Variants in CMAS observed in about 807,000 individuals in gnomAD.
The protein encoded by CMAS is cytidine monophosphate N-acetylneuraminic acid synthetase.
CMAS carries 21 observed loss-of-function variants against 53.4 expected under a neutral mutation model. That is an observed-to-expected ratio of 0.39 (90% CI 0.28 to 0.57). The LOEUF (loss-of-function observed/expected upper bound fraction) is 0.57, where lower values mean the gene tolerates loss of function less well. Ranked by LOEUF, CMAS falls within the 20% of genes least tolerant of loss-of-function variation. The pLI, the probability that CMAS is intolerant of heterozygous loss-of-function variation, is 0.56. For missense variants in CMAS, 384 were observed against 534.9 expected (o/e 0.72, Z 2.78); for synonymous variants, 189 against 195.2 (o/e 0.97, Z 0.27).
Position 22,061,337 on chromosome 12 carries a change from T to C in CMAS, c.845T>C (p.Ile282Thr). 4.3e-6 allele frequency: 7 copies of C among 1,612,346 alleles called. No individual in the cohort carries two copies. The highest frequency in any genetic ancestry group is 5.9e-6 in the Non-Finnish European group (7 of 1,179,106). Residue 282 changes from isoleucine (I) to threonine (T), a missense_variant, in exon 6 of 8, where the codon ATT (isoleucine) becomes ACT (threonine). Physicochemically the swap from Ile to Thr is moderately conservative, Grantham distance 89. This residue lies in a region of CMAS where 139 missense variants were observed against 248.0 expected (regional missense o/e 0.56). Transcript: ENST00000229329. Reference protein sequence around the residue: ...LKEIKLLVCNIDGCLTNGHIY... With the variant: ...LKEIKLLVCNTDGCLTNGHIY... ...GAAATAAAACTTTTGGTTTGCAATA[T>C]TGATGGATGTCTCACCAATGGCCAC...
In CMAS at chr12:22,046,363, C is replaced by G; in HGVS notation, c.60C>G (p.Ser20=). The G allele has an allele frequency of 6.5e-7, 1 of 1,549,844 alleles. No individual in the cohort carries two copies. The highest frequency in any genetic ancestry group is 1.2e-5 in the South Asian group (1 of 83,264). ...TCTCCAACCCGCGGGGGCGACCGTCCCGGGGCCGGCCGCCGAAGCTGCAGC... is the reference window on the plus strand; with the variant it reads ...TCTCCAACCCGCGGGGGCGACCGTCGCGGGGCCGGCCGCCGAAGCTGCAGC... ...TSVSNPRGRP[S]RGRPPKLQRN... is the part of the protein sequence containing the mutation. The change falls in exon 1 of 8, where the codon TCC becomes TCG. Residue 20 remains serine (S), a synonymous_variant. Coordinates refer to ENST00000229329, the MANE Select transcript of CMAS (RefSeq NM_018686.6).
rs1334525363 is a variant in CMAS at position 22,062,419 on chromosome 12, G to T, written c.1099G>T (p.Glu367Ter). 1.2e-6 allele frequency: 2 copies of T among 1,613,106 alleles called. No individual in the cohort carries two copies. Among genetic ancestry groups the T allele is most frequent in the Non-Finnish European group, 1.7e-6 (2 of 1,179,670 alleles). The change falls in exon 7 of 8, where the codon GAA becomes TAA. Residue 367 changes from glutamate (E) to a stop codon, truncating the protein, a stop_gained. Transcript: ENST00000229329. LOFTEE classifies it high-confidence loss of function. The part of the protein sequence containing the change: ...WRKEMGLCWK[E>*]VAYLGNEVSD... Reference sequence around the variant, plus strand: ...AAAAGAAATGGGCCTGTGCTGGAAAGAAGTGGCATATCTTGGTTGGTATCT... The same window carrying T: ...AAAAGAAATGGGCCTGTGCTGGAAATAAGTGGCATATCTTGGTTGGTATCT...
chr12:22,060,772 G>A, intron 4 of CMAS, 60 bp from the exon 5 acceptor site: 1 of 940,464 alleles, frequency 1.1e-6, no homozygotes, highest in Non-Finnish European at 1.8e-6. Context: ...TTATAATAAA[G>A]TTTTGATATA....
chr12:22,061,224 G>A (rs760087202), intron 5 of CMAS, 57 bp from the exon 6 acceptor site: 158 of 1,176,914 alleles, frequency 1.3e-4, no homozygotes, highest in Non-Finnish European at 1.9e-4. Flanking sequence ...TTAGCCAGAT[G>A]AGAGGGAGTG....
At position 22,046,399 on chromosome 12, in the gene CMAS, C is replaced by T; in HGVS notation, c.96C>T (p.Arg32=). 1 of 1,587,512 alleles carries T rather than the reference C, an allele frequency of 6.3e-7. No individual in the cohort carries two copies. Among genetic ancestry groups the T allele is most frequent in the Non-Finnish European group, 8.6e-7 (1 of 1,168,658 alleles). ...GRPPKLQRNS[R]GGQGRGVEKP... ...CGCCGAAGCTGCAGCGCAACTCTCG[C>T]GGCGGCCAGGGCCGAGGTGTGGAGA... The change falls in exon 1 of 8, where the codon CGC becomes CGT. Residue 32 remains arginine (R), a synonymous_variant. Transcript: ENST00000229329.
At chr12:22,057,877 G>C (rs1046881310) in intron 3 of CMAS, among the ~76,000 whole-genome samples, 6 of 150,748 alleles carry the variant, frequency 4.0e-5, no homozygotes, top group Non-Finnish European at 7.4e-5. Context: ...AGGCTGGATG[G>C]AGTACAGTGG....
At chr12:22,064,074 CT>C (rs938043581) in intron 7 of CMAS, 1 of 152,024 alleles carries the variant, frequency 6.6e-6, no homozygotes, top group Non-Finnish European at 1.5e-5. Flanking sequence ...CAAATACTAA[CT>C]TTTTTTATTT....
intron 1 of CMAS, among the ~76,000 whole-genome samples, chr12:22,053,857 A>C (rs954221150): frequency 7.2e-6 from 1 of 139,244 alleles, no homozygotes; most frequent in African/African-American, 2.6e-5. Flanking sequence ...CCAACCTGGG[A>C]GACACAGCGA....
At position 22,062,260 on chromosome 12, in the gene CMAS, CTT is replaced by C. The variant is rs33946820; in HGVS notation, c.961-5_961-4del. On this transcript the variant is annotated intron_variant, in intron 6 of 7. Transcript: ENST00000229329. ...TAATTTTTCCCTTCTTCCTCCAATC[CTT>C]TTTTTTTTTTTTTTTAAGGTGAGGC... The C allele has an allele frequency of 0.046, 62,578 of 1,368,148 alleles. 3 individuals carry two copies. The highest frequency in any genetic ancestry group is 0.072 in the East Asian group (2,750 of 38,404). 84.8% of individuals were successfully genotyped at this position (1,368,148 alleles called of 1,614,324 possible).
At chr12:22,047,020 G>A (rs1178421498) in intron 1 of CMAS, among the ~76,000 whole-genome samples, 1 of 152,118 alleles carries the variant, frequency 6.6e-6, no homozygotes, top group African/African-American at 2.4e-5. Context: ...GTTCATGAAT[G>A]GAGTTGAGTG....
intron 6 of CMAS, among the ~76,000 whole-genome samples, chr12:22,061,948 C>G (rs953401718): frequency 2.0e-5 from 3 of 152,062 alleles, no homozygotes; most frequent in Non-Finnish European, 4.4e-5. Context: ...TATAGACTTT[C>G]CTCTGGATAA....
Position 22,062,348 on chromosome 12 carries a change from T to C in CMAS, c.1028T>C (p.Met343Thr), listed in dbSNP as rs1455615714. The C allele has an allele frequency of 1.9e-6, 3 of 1,612,626 alleles. No individual in the cohort carries two copies. The highest frequency in any genetic ancestry group is 2.5e-6 in the Non-Finnish European group (3 of 1,179,650). ...TCTTCTTTAAAACTGGATTGCAAAA[T>C]GGAAGTCAGTGTATCAGACAAGCTA... ...TLSSLKLDCK[M>T]EVSVSDKLAV... Residue 343 changes from methionine to threonine, a missense_variant, in exon 7 of 8, where the codon ATG (methionine) becomes ACG (threonine). Physicochemically the swap from Met to Thr is moderately conservative, Grantham distance 81 (BLOSUM62 -1). Transcript: ENST00000229329.
intron 7 of CMAS, chr12:22,063,803 A>G (rs898517332): frequency 6.6e-6 from 1 of 151,948 alleles, no homozygotes; most frequent in Non-Finnish European, 1.5e-5. Flanking sequence ...TTTATTTAAA[A>G]CTCACAGCAG....
chr12:22,058,943 A>G (rs1950288243), intron 4 of CMAS, among the ~76,000 whole-genome samples: 1 of 152,008 alleles, frequency 6.6e-6, no homozygotes, highest in African/African-American at 2.4e-5. Context: ...AAAATGAATC[A>G]AGTACTGGGT....
Position 22,065,265 on chromosome 12 carries a change from A to G in CMAS, c.1259A>G (p.His420Arg), listed in dbSNP as rs1950339059. The G allele has an allele frequency of 3.7e-6, 6 of 1,614,016 alleles. No individual in the cohort carries two copies. The Admixed American group carries it at 1.0e-4, about 27-fold the overall frequency. The change falls in exon 8 of 8, where the codon CAC becomes CGC. Residue 420 changes from histidine to arginine, a missense_variant. His to Arg is a conservative substitution (Grantham distance 29). Coordinates refer to ENST00000229329, the MANE Select transcript of CMAS (RefSeq NM_018686.6). ...GRGAIREFAE[H>R]ICLLMEKVNN... ...GGTGCCATCCGAGAATTTGCAGAGCACATTTGCCTACTAATGGAAAAGGTT... is the reference window on the plus strand; with the variant it reads ...GGTGCCATCCGAGAATTTGCAGAGCGCATTTGCCTACTAATGGAAAAGGTT...
chr12:22,051,922 C>T (rs1950240944), intron 1 of CMAS, among the ~76,000 whole-genome samples: 1 of 152,084 alleles, frequency 6.6e-6, no homozygotes. Context: ...TCCTCTAAAC[C>T]ATATGAGGTA....
At chr12:22,049,677 C>T (rs748738571) in intron 1 of CMAS, among the ~76,000 whole-genome samples, 5 of 152,070 alleles carry the variant, frequency 3.3e-5, no homozygotes, top group Non-Finnish European at 5.9e-5. Flanking sequence ...TTTAGGAGGC[C>T]GAAGGCAGGC....
chr12:22,061,593 T>G, intron 6 of CMAS, 141 bp downstream of exon 6: 2 of 491,928 alleles, frequency 4.1e-6, no homozygotes, highest in Non-Finnish European at 6.9e-6. Context: ...TAGAAAATTA[T>G]TATACTATTT....
At chr12:22,047,204 C>T (rs1028670100) in intron 1 of CMAS, among the ~76,000 whole-genome samples, 7 of 152,126 alleles carry the variant, frequency 4.6e-5, no homozygotes, top group African/African-American at 1.7e-4. Flanking sequence ...TATATTAATA[C>T]TTACAAATCA....
Sources: allele counts gnomAD v4.1 joint callset (sites outside exome capture counted in the v4.1 genomes callset), GRCh38; gene constraint gnomAD v4.1.1; regional missense constraint gnomAD v4.1.1; transcripts MANE v1.5; gene names NCBI Gene and HGNC (gene_info 2026-07-23, HGNC 2026-07-21).